Variants in PAG1 observed in about 807,000 individuals in gnomAD.
The protein encoded by PAG1 is phosphoprotein associated with glycosphingolipid-enriched microdomains 1.
A neutral mutation model predicts 31.7 loss-of-function variants in PAG1; 23 were observed. The observed-to-expected ratio is 0.73, with a 90% CI of 0.52 to 1.03. The LOEUF (loss-of-function observed/expected upper bound fraction) is 1.03. PAG1 is among the 50% of genes least tolerant of loss of function. The probability of loss-of-function intolerance (pLI) is 0.00; values close to 1 mark genes in which losing one functional copy is unlikely to be tolerated. For synonymous variants in PAG1, 214 were observed against 210.3 expected (o/e 1.02, Z -0.15); for missense variants, 473 against 540.7 (o/e 0.87, Z 1.24).
chr8:81,010,107 C>A (rs1246442635), intron 3 of PAG1, among the ~76,000 whole-genome samples: 1 of 152,178 alleles, frequency 6.6e-6, no homozygotes, highest in Non-Finnish European at 1.5e-5. Flanking sequence ...GCTATTCCAT[C>A]TTATTTCTCT....
At chr8:81,103,313 C>T (rs369136714) in intron 1 of PAG1, among the ~76,000 whole-genome samples, 2 of 152,098 alleles carry the variant, frequency 1.3e-5, no homozygotes, top group African/African-American at 4.8e-5. Context: ...AAACATAACA[C>T]CCCCTAATTC....
At chr8:80,980,584 A>G in intron 7 of PAG1, 90 bp from the exon 8 acceptor site, 2 of 810,154 alleles carry the variant, frequency 2.5e-6, no homozygotes, top group Non-Finnish European at 4.1e-6. Context: ...TCTGTCTAGC[A>G]ACGTTTTCAA....
intron 3 of PAG1, among the ~76,000 whole-genome samples, chr8:81,003,163 C>G (rs954532311): frequency 1.3e-5 from 2 of 152,174 alleles, no homozygotes; most frequent in African/African-American, 2.4e-5. Context: ...TTAACAAGCC[C>G]TGCAGGTGAT....
chr8:81,041,911 C>T (rs1454797594), intron 2 of PAG1, among the ~76,000 whole-genome samples: 1 of 152,188 alleles, frequency 6.6e-6, no homozygotes, highest in Non-Finnish European at 1.5e-5. Flanking sequence ...GGAAGTAACA[C>T]TATCTCTGAA....
At position 80,991,389 on chromosome 8, in the gene PAG1, GGCTGTGAGCACAT is replaced by G. The variant is rs1807543487; in HGVS notation, c.177+77_177+89del. 1.9e-5 allele frequency: 19 copies of G among 1,012,036 alleles called. No homozygotes were observed. The East Asian group carries it at 4.5e-4, about 24-fold the overall frequency. 62.7% of individuals were successfully genotyped at this position (1,012,036 alleles called of 1,614,324 possible). A position where few individuals can be genotyped will look rare whatever the true frequency, so the allele number is the denominator to read the frequency against. ...TAGCTCTCCCCGTGGGTTCTACTCA[GGCTGTGAGCACAT>G]GGGAGCACACTTAGATAAGTAGCTG... On this transcript the variant is annotated intron_variant, in intron 5 of 8. Transcript: ENST00000220597.
intron 3 of PAG1, among the ~76,000 whole-genome samples, chr8:81,013,274 C>T (rs755540400): frequency 1.3e-5 from 2 of 152,226 alleles, no homozygotes; most frequent in Non-Finnish European, 2.9e-5. Flanking sequence ...CATCCAAAAC[C>T]ATGCCTTCAT....
chr8:81,109,885 C>T (rs1809747903), intron 1 of PAG1, among the ~76,000 whole-genome samples: 1 of 152,176 alleles, frequency 6.6e-6, no homozygotes, highest in South Asian at 2.1e-4. Context: ...AGCCTGTCCT[C>T]CTAACCAGGC....
At chr8:81,075,738 C>T (rs529482548) in intron 1 of PAG1, among the ~76,000 whole-genome samples, 59 of 152,318 alleles carry the variant, frequency 3.9e-4, no homozygotes, top group African/African-American at 1.2e-3. Flanking sequence ...CAGCTCCTCA[C>T]GCACACACAC....
intron 2 of PAG1, among the ~76,000 whole-genome samples, chr8:81,049,074 A>G (rs147691728): frequency 6.6e-6 from 1 of 152,324 alleles, no homozygotes; most frequent in African/African-American, 2.4e-5. Flanking sequence ...TATAAAATTA[A>G]TATATGCTCT....
rs547568397 is a variant in PAG1 at position 81,059,814 on chromosome 8, G to A, written c.-175+10298C>T. ...GCCAATTACTTAAGGTCAGTAGTTCGAGACCAGCCTGGCCAACATGGTGAA... is the reference window on the plus strand; with the variant it reads ...GCCAATTACTTAAGGTCAGTAGTTCAAGACCAGCCTGGCCAACATGGTGAA... On this transcript the variant is annotated intron_variant, in intron 2 of 8. Transcript: ENST00000220597. Among the ~76,000 whole-genome samples, 18 of 152,084 alleles carry A rather than the reference G, an allele frequency of 1.2e-4. No homozygotes were observed. In the South Asian group the frequency reaches 3.5e-3, roughly 30 times the overall value.
In PAG1 at chr8:80,994,042, ACCTGCC is replaced by A. The variant is rs145205023; in HGVS notation, c.-80-741_-80-736del. ...AGCTTTTGCAAAAATGCAACTCATC[ACCTGCC>A]CCTGCCCCCCACTGCCATCTCTCAT... is the stretch of plus-strand genomic sequence containing the variant. On this transcript the variant is annotated intron_variant, in intron 3 of 8. Coordinates refer to ENST00000220597, the MANE Select transcript of PAG1 (RefSeq NM_018440.4). Among the ~76,000 whole-genome samples, 1,002 of 146,476 alleles carry A rather than the reference ACCTGCC, an allele frequency of 6.8e-3. 12 individuals carry two copies. Among genetic ancestry groups the A allele is most frequent in the African/African-American group, 0.025 (961 of 39,002 alleles).
At position 81,059,609 on chromosome 8, in the gene PAG1, T is replaced by C. The variant is rs60673919; in HGVS notation, c.-175+10503A>G. Among the ~76,000 whole-genome samples the C allele has an allele frequency of 1.0e-2, 1,522 of 152,282 alleles. 31 individuals are homozygous for C. Among genetic ancestry groups the C allele is most frequent in the African/African-American group, 0.034 (1,428 of 41,546 alleles). On this transcript the variant is annotated intron_variant, in intron 2 of 8. Coordinates refer to ENST00000220597, the MANE Select transcript of PAG1 (RefSeq NM_018440.4). ...AATTATGTCAAATTTTCTGTGCATG[T>C]GTCTTTCTTCAGACAGTCTAGAATA...
At chr8:81,053,424 A>G (rs1230902700) in intron 2 of PAG1, among the ~76,000 whole-genome samples, 1 of 152,230 alleles carries the variant, frequency 6.6e-6, no homozygotes, top group East Asian at 1.9e-4. Flanking sequence ...AAATGGATTC[A>G]TATTTCCATG....
chr8:81,024,949 C>T (rs1399925024), intron 3 of PAG1, among the ~76,000 whole-genome samples: 1 of 152,152 alleles, frequency 6.6e-6, no homozygotes, highest in East Asian at 1.9e-4. Context: ...TAAAACTCTT[C>T]TGGAACAAAA....
intron 2 of PAG1, among the ~76,000 whole-genome samples, chr8:81,044,000 A>C (rs1808599245): frequency 6.6e-6 from 1 of 152,152 alleles, no homozygotes; most frequent in Non-Finnish European, 1.5e-5. Flanking sequence ...CTGGAGTGTG[A>C]AGGATAAAGT....
chr8:81,048,931 A>G (rs1808684073), intron 2 of PAG1, among the ~76,000 whole-genome samples: 1 of 152,218 alleles, frequency 6.6e-6, no homozygotes, highest in Non-Finnish European at 1.5e-5. Context: ...TCATCAATTA[A>G]GGACATACAG....
Position 81,111,845 on chromosome 8 carries a change from G to C in PAG1, c.-488C>G, listed in dbSNP as rs1286085304. ...CGGCCGCGCGGACCCGAGCGCTGCA[G>C]CTGCCTCCAGCCCCGGAGCGCGGCG... On this transcript the variant is annotated 5_prime_UTR_variant, in exon 1 of 9. Transcript: ENST00000220597. The C allele has an allele frequency of 6.6e-6, 1 of 152,450 alleles. No homozygotes were observed. The highest frequency in any genetic ancestry group is 1.9e-4 in the East Asian group (1 of 5,182). 9.4% of individuals were successfully genotyped at this position (152,450 alleles called of 1,614,324 possible). A position where few individuals can be genotyped will look rare whatever the true frequency, so the allele number is the denominator to read the frequency against.
intron 1 of PAG1, among the ~76,000 whole-genome samples, chr8:81,098,352 G>A (rs1809560096): frequency 6.6e-6 from 1 of 152,214 alleles, no homozygotes; most frequent in South Asian, 2.1e-4. Context: ...TCTGAGCTGT[G>A]TGGGTCCACT....
chr8:80,989,481 G>A (rs544810830), intron 5 of PAG1, among the ~76,000 whole-genome samples: 9 of 152,272 alleles, frequency 5.9e-5, no homozygotes, highest in African/African-American at 1.4e-4. Flanking sequence ...CTGGGTGGGC[G>A]AGCGTGTGTA....
Sources: allele counts gnomAD v4.1 joint callset (sites outside exome capture counted in the v4.1 genomes callset), GRCh38; gene constraint gnomAD v4.1.1; transcripts MANE v1.5; gene names NCBI Gene and HGNC (gene_info 2026-07-23, HGNC 2026-07-21).